The following DSCAM variants were observed in gnomAD, a reference collection of about 807,000 sequenced individuals.
DSCAM encodes the protein cell adhesion molecule DSCAM.
Under a neutral mutation model 217.7 loss-of-function variants are expected in DSCAM, and 47 were observed. The observed-to-expected ratio is 0.22, with a 90% CI of 0.17 to 0.28. The LOEUF (loss-of-function observed/expected upper bound fraction) is 0.28, where lower values mean the gene tolerates loss of function less well. Among genes scored for constraint, DSCAM ranks in the 10% least tolerant of loss-of-function variants. DSCAM has a pLI of 1.00. For synonymous variants in DSCAM, 1,056 were observed against 1,015.3 expected (o/e 1.04, Z -0.76); for missense variants, 2,080 against 2,618.3 (o/e 0.79, Z 4.49).
At chr21:40,734,471 T>A (rs2091043163) in intron 1 of DSCAM, among the ~76,000 whole-genome samples, 1 of 152,158 alleles carries the variant, frequency 6.6e-6, no homozygotes. Flanking sequence ...AAAGGCCTCT[T>A]TAAGAGACAA....
At chr21:40,085,117 T>A (rs982655064) in intron 23 of DSCAM, among the ~76,000 whole-genome samples, 1 of 152,222 alleles carries the variant, frequency 6.6e-6, no homozygotes, top group African/African-American at 2.4e-5. Flanking sequence ...GAAAAATACT[T>A]AGTATTAAAT....
intron 2 of DSCAM, among the ~76,000 whole-genome samples, chr21:40,701,592 TC>T (rs1243713449): frequency 1.3e-5 from 2 of 152,114 alleles, no homozygotes; most frequent in African/African-American, 4.8e-5. Context: ...TTAGTGGCAC[TC>T]CCCAAATTCA....
chr21:40,147,744 C>T (rs2090374626), intron 16 of DSCAM, among the ~76,000 whole-genome samples: 1 of 152,162 alleles, frequency 6.6e-6, no homozygotes, highest in Non-Finnish European at 1.5e-5. Flanking sequence ...AGTTTTTCTT[C>T]TTCATTTAAT....
At chr21:40,200,404 T>A (rs2091057971) in intron 11 of DSCAM, among the ~76,000 whole-genome samples, 1 of 152,206 alleles carries the variant, frequency 6.6e-6, no homozygotes, top group Non-Finnish European at 1.5e-5. Context: ...CATACAGTAT[T>A]TGTCTTTTTG....
At chr21:40,677,420 C>T (rs113847580) in intron 3 of DSCAM, among the ~76,000 whole-genome samples, 28 of 152,090 alleles carry the variant, frequency 1.8e-4, no homozygotes, top group African/African-American at 6.3e-4. Context: ...TGAGGGAATG[C>T]AGATAGTCAC....
rs116959452 is a variant in DSCAM, at chr21:40,550,188, G to A, written c.508+142622C>T. 1.4e-3 allele frequency among the ~76,000 whole-genome samples: 208 copies of A among 152,164 alleles called. 1 individual carries two copies. In the East Asian group the frequency reaches 0.026, roughly 19 times the overall value. On this transcript the variant is annotated intron_variant, in intron 3 of 32. Coordinates refer to ENST00000400454, the MANE Select transcript of DSCAM (RefSeq NM_001389.5). ...TCAACCAATATCCTTTCTCTGGGCC[G>A]TCCTGCCTCCCAGGGCTTTCTGCTG...
chr21:40,115,001 T>G (rs1000229952), intron 20 of DSCAM, among the ~76,000 whole-genome samples: 2 of 152,226 alleles, frequency 1.3e-5, no homozygotes, highest in Admixed American at 6.5e-5. Context: ...TGGAAGTCAG[T>G]GTGGCGATTC....
chr21:40,726,138 A>T (rs1056703189), intron 1 of DSCAM, among the ~76,000 whole-genome samples: 2 of 152,154 alleles, frequency 1.3e-5, no homozygotes, highest in Admixed American at 1.3e-4. Context: ...AAAAATAAAC[A>T]TTCAAGCACG....
chr21:40,020,329 G>A (rs1020158763), intron 32 of DSCAM, among the ~76,000 whole-genome samples: 1 of 152,108 alleles, frequency 6.6e-6, no homozygotes, highest in African/African-American at 2.4e-5. Flanking sequence ...CCAGTCTCAG[G>A]CAACATGAAA....
At chr21:40,329,843 A>C (rs1258133881) in intron 8 of DSCAM, among the ~76,000 whole-genome samples, 1 of 152,010 alleles carries the variant, frequency 6.6e-6, no homozygotes. Flanking sequence ...AAAAAGGTTG[A>C]TCTTATAGAA....
chr21:40,814,461 T>C (rs1392929260), intron 1 of DSCAM, among the ~76,000 whole-genome samples: 1 of 152,234 alleles, frequency 6.6e-6, no homozygotes, highest in African/African-American at 2.4e-5. Context: ...AAAGATGTGC[T>C]GTGACAAAAG....
At chr21:40,683,464 G>T (rs2090437530) in intron 3 of DSCAM, among the ~76,000 whole-genome samples, 1 of 151,910 alleles carries the variant, frequency 6.6e-6, no homozygotes, top group Admixed American at 6.6e-5. Context: ...AAGGAAGAAA[G>T]TAAAGACAGA....
intron 3 of DSCAM, among the ~76,000 whole-genome samples, chr21:40,510,626 A>G (rs370848976): frequency 2.4e-4 from 37 of 152,308 alleles, no homozygotes; most frequent in African/African-American, 8.7e-4. Context: ...AAGGAAGAGA[A>G]CTCCTCACAC....
intron 27 of DSCAM, among the ~76,000 whole-genome samples, chr21:40,070,285 G>GGAGA (rs1258965067): frequency 7.2e-6 from 1 of 139,444 alleles, no homozygotes; most frequent in Non-Finnish European, 1.6e-5. Flanking sequence ...AAGGAGGGAG[G>GGAGA]GAGGGAGGGA....
At position 40,471,701 on chromosome 21, in the gene DSCAM, A is replaced by G. The variant is rs372258229; in HGVS notation, c.509-102456T>C. 3.0e-4 allele frequency among the ~76,000 whole-genome samples: 46 copies of G among 152,328 alleles called. No homozygotes were observed. In the South Asian group the frequency reaches 9.1e-3, roughly 30 times the overall value. ...GGTTTCACACTCCTACGCAGCTATT[A>G]CACAAGCTCTGACTTAGGAGTGATC... On this transcript the variant is annotated intron_variant, in intron 3 of 32. Transcript: ENST00000400454.
chr21:40,061,679 T>C (rs965811427), intron 28 of DSCAM, among the ~76,000 whole-genome samples: 1 of 152,196 alleles, frequency 6.6e-6, no homozygotes, highest in African/African-American at 2.4e-5. Flanking sequence ...GTCTGTAGGA[T>C]GGAATCTGTG....
At chr21:40,093,482 T>C (rs1206468185) in intron 21 of DSCAM, among the ~76,000 whole-genome samples, 1 of 152,236 alleles carries the variant, frequency 6.6e-6, no homozygotes. Context: ...TTCCTAATTT[T>C]CATAGACACT....
intron 16 of DSCAM, among the ~76,000 whole-genome samples, chr21:40,163,832 A>G (rs2090565980): frequency 6.6e-6 from 1 of 152,326 alleles, no homozygotes; most frequent in South Asian, 2.1e-4. Flanking sequence ...ATTTCACTGT[A>G]TCATGAGTTA....
intron 32 of DSCAM, among the ~76,000 whole-genome samples, chr21:40,019,773 C>T (rs576136938): frequency 6.6e-6 from 1 of 152,186 alleles, no homozygotes; most frequent in Non-Finnish European, 1.5e-5. Context: ...TAAACACTGG[C>T]AAAGGCAAAT....
Sources: allele counts gnomAD v4.1 joint callset (sites outside exome capture counted in the v4.1 genomes callset), GRCh38; gene constraint gnomAD v4.1.1; transcripts MANE v1.5; gene names NCBI Gene and HGNC (gene_info 2026-07-23, HGNC 2026-07-21).